Variants in SRRT observed in about 807,000 individuals in gnomAD.
SRRT encodes serrate, RNA effector molecule.
Under a neutral mutation model 103.2 loss-of-function variants are expected in SRRT, and 32 were observed. The observed-to-expected ratio is 0.31, with a 90% CI of 0.23 to 0.42. The LOEUF is 0.42. Ranked by LOEUF, SRRT falls within the 10% of genes least tolerant of loss-of-function variation. The probability of loss-of-function intolerance (pLI) is 1.00; values close to 1 mark genes in which losing one functional copy is unlikely to be tolerated. For synonymous variants in SRRT, 525 were observed against 449.0 expected, an observed-to-expected ratio of 1.17 and a Z score of -2.14; for missense variants, 986 against 1,207.5, an observed-to-expected ratio of 0.82 and a Z score of 2.72.
rs1363890837 is a variant in SRRT at position 100,884,223 on chromosome 7, C to G, written c.741C>G (p.Val247=). The change falls in exon 6 of 20, where the codon GTC becomes GTG. Residue 247 remains valine, a synonymous_variant. Coordinates refer to ENST00000611405, the MANE Select transcript of SRRT (RefSeq NM_015908.6). ...LLDIDKADAI[V]KMLDAAVIKM... ...ACATAGACAAAGCTGATGCCATTGT[C>G]AAGATGCTGGATGCAGGTGTGCGGA... 6.2e-7 allele frequency: 1 copy of G among 1,614,086 alleles called. No homozygotes were observed. The highest frequency in any genetic ancestry group is 1.1e-5 in the South Asian group (1 of 91,056).
At position 100,884,393 on chromosome 7, in the gene SRRT, G is replaced by C. The variant is rs749835079; in HGVS notation, c.783G>C (p.Thr261=). The change falls in exon 7 of 20, where the codon ACG becomes ACC. Residue 261 remains threonine (T), a synonymous_variant. Transcript: ENST00000611405. ...CCGTGATTAAGATGGAAGGAGGCAC[G>C]GAGAATGATCTTCGCATCCTGGAGC... The part of the protein sequence containing the change: ...DAAVIKMEGG[T]ENDLRILEQE... The C allele has an allele frequency of 6.2e-7, 1 of 1,613,652 alleles. No individual in the cohort carries two copies. Among genetic ancestry groups the C allele is most frequent in the Non-Finnish European group, 8.5e-7 (1 of 1,179,868 alleles).
chr7:100,883,464 T>C (rs1289821390), intron 5 of SRRT, among the ~76,000 whole-genome samples: 1 of 152,168 alleles, frequency 6.6e-6, no homozygotes, highest in Non-Finnish European at 1.5e-5. Context: ...CTCCTCTCTC[T>C]CCCCCTGTGG....
chr7:100,887,850 C>G lies in SRRT; in HGVS notation c.2317C>G (p.Pro773Ala). ...GATCAAGCCAGCCCAGCCACCTGGC[C>G]CCGCCCAGAGTAAGATACGATCCAT... is the stretch of plus-strand genomic sequence containing the variant. ...PEIKPAQPPG[P>A]AQILPPGLTP... The change falls in exon 17 of 20, where the codon CCC becomes GCC. Residue 773 changes from proline (P) to alanine (A), a missense_variant. By Grantham distance (27) the Pro-to-Ala change is conservative. Coordinates refer to ENST00000611405, the MANE Select transcript of SRRT (RefSeq NM_015908.6). The surrounding 1 kb of genome is among the most constrained non-coding windows in gnomAD (Gnocchi z 4.1). The G allele has an allele frequency of 6.2e-7, 1 of 1,604,190 alleles. No homozygotes were observed. Among genetic ancestry groups the G allele is most frequent in the African/African-American group, 1.3e-5 (1 of 74,842 alleles).
intron 5 of SRRT, chr7:100,883,102 G>A (rs1195995241): frequency 1.3e-5 from 2 of 152,368 alleles, no homozygotes; most frequent in African/African-American, 4.8e-5. Context: ...TAAAGATCCT[G>A]GAGGTGATGC....
chr7:100,878,793 C>T (rs1346989565), intron 2 of SRRT, among the ~76,000 whole-genome samples: 1 of 152,064 alleles, frequency 6.6e-6, no homozygotes, highest in Admixed American at 6.6e-5. Flanking sequence ...CTTGACTTCC[C>T]CAGGCTTAGG....
Position 100,885,028 on chromosome 7 carries a change from A to C in SRRT, c.1147A>C (p.Lys383Gln). The C allele has an allele frequency of 6.2e-7, 1 of 1,613,724 alleles. No individual in the cohort carries two copies. Among genetic ancestry groups the C allele is most frequent in the African/African-American group, 1.3e-5 (1 of 74,906 alleles). ...ESESGQAEEE[K>Q]EEAEEALKEK... The stretch of plus-strand genomic sequence containing the variant: ...AGAGAGCGGCCAGGCTGAGGAGGAG[A>C]AGGAGGAGGCCGGTAGGGTTTCTTT... The change falls in exon 9 of 20, where the codon AAG (lysine) becomes CAG (glutamine). Residue 383 changes from lysine (K) to glutamine (Q), a missense_variant. Lys to Gln is a moderately conservative substitution (Grantham distance 53, BLOSUM62 1). Transcript: ENST00000611405. This position sits in a 1 kb window ranked among gnomAD's most constrained non-coding sequence, Gnocchi z 4.8.
intron 12 of SRRT, 44 bp from the exon 13 acceptor site, chr7:100,886,203 A>T: frequency 6.3e-7 from 1 of 1,584,882 alleles, no homozygotes; most frequent in Non-Finnish European, 8.6e-7. Context: ...TTCTCTGGCA[A>T]GCGGGGTAAG....
chr7:100,885,993 C>CA lies in SRRT; in HGVS notation c.1458+53dup. The CA allele has an allele frequency of 6.3e-7, 1 of 1,578,828 alleles. No individual in the cohort carries two copies. The highest frequency in any genetic ancestry group is 2.2e-5 in the East Asian group (1 of 44,694). ...GAAGAGGAAGGGAGACTCTGTGCCA[C>CA]ACGGGACCTCTGTGTGACTTTGTTC... is the stretch of plus-strand genomic sequence containing the variant. On this transcript the variant is annotated intron_variant, in intron 12 of 19. Transcript: ENST00000611405. This position sits in a 1 kb window ranked among gnomAD's most constrained non-coding sequence, Gnocchi z 4.8.
intron 2 of SRRT, chr7:100,875,955 T>C: frequency 2.2e-6 from 1 of 456,376 alleles, no homozygotes; most frequent in East Asian, 4.1e-5. Flanking sequence ...GCACTGTTTA[T>C]ACATGCACGA....
chr7:100,875,678 G>T lies in SRRT; in HGVS notation c.88G>T (p.Asp30Tyr). 1 of 1,614,150 alleles carries T rather than the reference G, an allele frequency of 6.2e-7. No individual in the cohort carries two copies. The highest frequency in any genetic ancestry group is 8.5e-7 in the Non-Finnish European group (1 of 1,179,992). ...CGACTACGACCGTTCCCGCGAGAGA[G>T]ATGAAAGACGTCGAGGGGACGATTG... ...RSDYDRSRER[D>Y]ERRRGDDWND... Residue 30 changes from aspartate (D) to tyrosine (Y), a missense_variant, in exon 2 of 20, where the codon GAT becomes TAT. Transcript: ENST00000611405.
chr7:100,878,483 T>G (rs980699246), intron 2 of SRRT, among the ~76,000 whole-genome samples: 1 of 152,152 alleles, frequency 6.6e-6, no homozygotes, highest in Non-Finnish European at 1.5e-5. Flanking sequence ...GAACAGTGGA[T>G]TTTAATGCAG....
chr7:100,885,320 C>T lies in SRRT; in HGVS notation c.1267C>T (p.Leu423Phe). 2 of 1,614,182 alleles carry T rather than the reference C, an allele frequency of 1.2e-6. No individual in the cohort carries two copies. Among genetic ancestry groups the T allele is most frequent in the Non-Finnish European group, 1.7e-6 (2 of 1,180,024 alleles). ...KPRPLHKTCS[L>F]FMRNIAPNIS... The stretch of plus-strand genomic sequence containing the variant: ...GCGGCCGCTGCATAAGACCTGCTCC[C>T]TCTTCATGCGCAACATCGCGCCCAA... Residue 423 changes from leucine (L) to phenylalanine (F), a missense_variant, in exon 10 of 20, where the codon CTC becomes TTC. This residue lies in a region of SRRT where 349 missense variants were observed against 446.9 expected (regional missense o/e 0.78). Transcript: ENST00000611405. This position sits in a 1 kb window ranked among gnomAD's most constrained non-coding sequence, Gnocchi z 4.8.
intron 1 of SRRT, 45 bp from the exon 2 acceptor site, chr7:100,875,528 G>A: frequency 6.2e-7 from 1 of 1,603,970 alleles, no homozygotes; most frequent in Non-Finnish European, 8.5e-7. Flanking sequence ...CCCTTCCTCC[G>A]CTCGTCCTTT....
intron 2 of SRRT, 65 bp from the exon 3 acceptor site, chr7:100,881,220 C>T (rs1584741069): frequency 2.6e-6 from 4 of 1,554,012 alleles, no homozygotes; most frequent in East Asian, 2.3e-5. Flanking sequence ...CTCAAAAGTG[C>T]TTGGATTACA....
chr7:100,883,661 T>A (rs1304202109), intron 5 of SRRT, among the ~76,000 whole-genome samples: 1 of 152,194 alleles, frequency 6.6e-6, no homozygotes, highest in Non-Finnish European at 1.5e-5. Flanking sequence ...TGACTGCAGT[T>A]TGGGGTTGGT....
chr7:100,887,280 C>T lies in SRRT; in HGVS notation c.1976-40C>T. The stretch of plus-strand genomic sequence containing the variant: ...CCCTTGCCACCATCCTTCCTTCTGG[C>T]TCCCTTGCCAACCTTCCTTCCTCTG... On this transcript the variant is annotated intron_variant, in intron 15 of 19. Transcript: ENST00000611405. The surrounding 1 kb of genome is among the most constrained non-coding windows in gnomAD (Gnocchi z 4.1). 1.9e-6 allele frequency: 3 copies of T among 1,610,080 alleles called. No individual in the cohort carries two copies. Among genetic ancestry groups the T allele is most frequent in the Non-Finnish European group, 2.5e-6 (3 of 1,177,056 alleles).
Position 100,884,529 on chromosome 7 carries a change from G to A in SRRT, c.919G>A (p.Glu307Lys). The A allele has an allele frequency of 1.3e-6, 2 of 1,571,178 alleles. No homozygotes were observed. The highest frequency in any genetic ancestry group is 1.7e-6 in the Non-Finnish European group (2 of 1,154,512). Residue 307 changes from glutamate (E) to lysine (K), a missense_variant, in exon 7 of 20, where the codon GAG (glutamate) becomes AAG (lysine). Coordinates refer to ENST00000611405, the MANE Select transcript of SRRT (RefSeq NM_015908.6). ...GGAGCGCAAAACCAACGACAAGGAT[G>A]AGAAGAAGGAAGACGGCAAGCAGGT... is the stretch of plus-strand genomic sequence containing the variant. ...DGERKTNDKDEKKEDGKQAEN... is the reference protein window; with the variant it reads ...DGERKTNDKDKKKEDGKQAEN...
intron 2 of SRRT, chr7:100,876,053 A>G: frequency 4.1e-6 from 1 of 245,766 alleles, no homozygotes; most frequent in South Asian, 4.3e-5. Context: ...ATGCAGTCGT[A>G]GCAGCCTCCA....
Position 100,886,814 on chromosome 7 carries a change from C to G in SRRT, c.1667C>G (p.Pro556Arg). Residue 556 changes from proline to arginine, a missense_variant, in exon 14 of 20, where the codon CCG becomes CGG. By Grantham distance (103) the Pro-to-Arg change is moderately radical. Transcript: ENST00000611405. ...PLPTSLPSQN[P>R]ILKNITDYLI... ...CATCAGAGCCTGCCCTCGCAAAACCCGATCTTGAAGAATATCACCGACTAC... is the reference window on the plus strand; with the variant it reads ...CATCAGAGCCTGCCCTCGCAAAACCGGATCTTGAAGAATATCACCGACTAC... 1.2e-6 allele frequency: 2 copies of G among 1,614,130 alleles called. No homozygotes were observed. The highest frequency in any genetic ancestry group is 1.7e-6 in the Non-Finnish European group (2 of 1,180,020).
Sources: allele counts gnomAD v4.1 joint callset (sites outside exome capture counted in the v4.1 genomes callset), GRCh38; gene constraint gnomAD v4.1.1; regional missense constraint gnomAD v4.1.1; non-coding constraint Gnocchi (gnomAD v3.1); transcripts MANE v1.5; gene names NCBI Gene and HGNC (gene_info 2026-07-23, HGNC 2026-07-21).